FLT3: variants seen among roughly 807,000 people sequenced by gnomAD.
The protein encoded by FLT3 is receptor-type tyrosine-protein kinase FLT3.
In FLT3, 46 loss-of-function variants were observed where a neutral mutation model predicts 126.6. The observed-to-expected ratio is 0.36, with a 90% CI of 0.29 to 0.46. FLT3 has a LOEUF of 0.46. Ranked by LOEUF, FLT3 falls within the 20% of genes least tolerant of loss-of-function variation. FLT3 has a pLI of 1.00. For synonymous variants in FLT3, 404 were observed against 434.4 expected (o/e 0.93, Z 0.87); for missense variants, 1,069 against 1,190.3 (o/e 0.90, Z 1.50).
chr13:28,089,683 GT>G (rs1270366497), intron 1 of FLT3, among the ~76,000 whole-genome samples: 2 of 151,888 alleles, frequency 1.3e-5, no homozygotes, highest in Non-Finnish European at 2.9e-5. Context: ...GAGAGTACTG[GT>G]TGTGAGGGGC....
chr13:28,026,661 T>C (rs1872831401), intron 17 of FLT3, among the ~76,000 whole-genome samples: 1 of 152,226 alleles, frequency 6.6e-6, no homozygotes, highest in South Asian at 2.1e-4. Context: ...TCCATCCTAA[T>C]ATCTTAGAAT....
chr13:28,091,791 G>A (rs1879123372), intron 1 of FLT3, among the ~76,000 whole-genome samples: 1 of 152,028 alleles, frequency 6.6e-6, no homozygotes, highest in Non-Finnish European at 1.5e-5. Context: ...AAATAGGCCA[G>A]GCGTGGCCAG....
intron 1 of FLT3, among the ~76,000 whole-genome samples, chr13:28,073,952 A>AG (rs201153014): frequency 0.011 from 1,268 of 111,254 alleles, 9 homozygotes; most frequent in Non-Finnish European, 0.021. Context: ...AAAAAAAAAA[A>AG]AAAAGAAAAG....
At position 28,067,952 on chromosome 13, in the gene FLT3, A is replaced by G. The variant is rs182151808; in HGVS notation, c.165+2539T>C. 26 of 342,970 alleles carry G rather than the reference A, an allele frequency of 7.6e-5. No individual in the cohort carries two copies. The East Asian group carries it at 2.2e-3, about 30-fold the overall frequency. 21.2% of individuals were successfully genotyped at this position (342,970 alleles called of 1,614,324 possible). The stretch of plus-strand genomic sequence containing the variant: ...ATATGAGGTCATGATTGTCAAACAC[A>G]TTTGGTCAACTCCAGTAACTTCAGT... On this transcript the variant is annotated intron_variant, in intron 2 of 23. Transcript: ENST00000241453.
chr13:28,049,782 A>G lies in FLT3; in HGVS notation c.743-8T>C. On this transcript the variant is annotated splice_region_variant and splice_polypyrimidine_tract_variant and intron_variant, in intron 6 of 23. Transcript: ENST00000241453. The stretch of plus-strand genomic sequence containing the variant: ...GAGGAGTTTGATTTAGATCTAGGAG[A>G]TGAAAACATCCCAAGTGAGAAAAAA... 6.2e-7 allele frequency: 1 copy of G among 1,609,096 alleles called. No individual in the cohort carries two copies. The highest frequency in any genetic ancestry group is 1.1e-5 in the South Asian group (1 of 89,760).
At chr13:28,017,553 C>T (rs1241684577) in intron 20 of FLT3, among the ~76,000 whole-genome samples, 1 of 152,082 alleles carries the variant, frequency 6.6e-6, no homozygotes, top group Non-Finnish European at 1.5e-5. Context: ...TAAAAACACA[C>T]ATTTTCAACT....
chr13:28,015,450 G>T, intron 21 of FLT3, 140 bp downstream of exon 21: 1 of 523,614 alleles, frequency 1.9e-6, no homozygotes, highest in Non-Finnish European at 3.5e-6. Flanking sequence ...CAGGCTAAAG[G>T]ACACCAGCAA....
Position 28,084,791 on chromosome 13 carries a change from C to T in FLT3, c.44-14179G>A, listed in dbSNP as rs187281435. ...GAGATTGAGACCATCCTGGCTAACACGGTGAAACCCCGTCTATACTAAAAA... is the reference window on the plus strand; with the variant it reads ...GAGATTGAGACCATCCTGGCTAACATGGTGAAACCCCGTCTATACTAAAAA... On this transcript the variant is annotated intron_variant, in intron 1 of 23. Transcript: ENST00000241453. Among the ~76,000 whole-genome samples the T allele has an allele frequency of 2.8e-4, 42 of 151,842 alleles. No homozygotes were observed. In the East Asian group the frequency reaches 4.9e-3, roughly 18 times the overall value.
At chr13:28,061,731 A>C in intron 3 of FLT3, 136 bp downstream of exon 3, 1 of 649,630 alleles carries the variant, frequency 1.5e-6, no homozygotes, top group Non-Finnish European at 2.7e-6. Context: ...AGATTGTGCC[A>C]CTCTACTCCA....
intron 4 of FLT3, among the ~76,000 whole-genome samples, chr13:28,056,060 A>C (rs1432602097): frequency 6.6e-6 from 1 of 152,112 alleles, no homozygotes; most frequent in Non-Finnish European, 1.5e-5. Context: ...TTACAGGCTG[A>C]CTTTAGAACC....
chr13:28,022,031 C>A (rs1357580197), intron 19 of FLT3, among the ~76,000 whole-genome samples: 4 of 151,830 alleles, frequency 2.6e-5, no homozygotes, highest in African/African-American at 7.3e-5. Context: ...GCTACCACGC[C>A]CGGCTGCCTA....
At chr13:28,015,730 G>T in intron 20 of FLT3, 29 bp from the exon 21 acceptor site, 1 of 1,375,838 alleles carries the variant, frequency 7.3e-7, no homozygotes, top group Non-Finnish European at 1.0e-6. Flanking sequence ...AGATAAGATG[G>T]TGAATTTTCC....
At position 28,052,683 on chromosome 13, in the gene FLT3, T is replaced by A. The variant is rs745306920; in HGVS notation, c.485-9A>T. The A allele has an allele frequency of 5.8e-6, 9 of 1,564,446 alleles. No homozygotes were observed. The highest frequency in any genetic ancestry group is 5.3e-5 in the Admixed American group (3 of 56,992). ...TGTGTAAAGCAGGGTATCTAAAGCA[T>A]CATAAGTTATTAACATTTTACTATT... On this transcript the variant is annotated splice_polypyrimidine_tract_variant and intron_variant, in intron 4 of 23. Transcript: ENST00000241453.
chr13:28,050,702 CA>C (rs1256328320), intron 5 of FLT3, among the ~76,000 whole-genome samples: 1 of 152,108 alleles, frequency 6.6e-6, no homozygotes, highest in African/African-American at 2.4e-5. Context: ...GCCAAGGTGT[CA>C]CCCACAAGGG....
intron 2 of FLT3, among the ~76,000 whole-genome samples, chr13:28,069,937 G>A (rs1439988838): frequency 6.6e-6 from 1 of 151,944 alleles, no homozygotes; most frequent in East Asian, 1.9e-4. Context: ...AACAGAGTGG[G>A]ACCCCATCTT....
intron 12 of FLT3, 97 bp from the exon 13 acceptor site, chr13:28,034,504 G>A: frequency 1.1e-6 from 1 of 875,344 alleles, no homozygotes. Context: ...TCCTGTTTCA[G>A]TAATAATCAT....
intron 19 of FLT3, among the ~76,000 whole-genome samples, chr13:28,019,597 T>A (rs1439719267): frequency 6.6e-6 from 1 of 152,012 alleles, no homozygotes; most frequent in Non-Finnish European, 1.5e-5. Flanking sequence ...CATACCCAGT[T>A]TTTTCAGTGC....
At chr13:28,056,810 A>G (rs986194193) in intron 4 of FLT3, among the ~76,000 whole-genome samples, 2 of 152,208 alleles carry the variant, frequency 1.3e-5, no homozygotes, top group Non-Finnish European at 2.9e-5. Context: ...CACCTTAGCC[A>G]CCTTTCAAGT....
In FLT3 at chr13:28,003,351, G is replaced by A. The variant is rs905255731; in HGVS notation, c.*701C>T. ...GACTGGCCCTGAGTCTGGGAAGGCC[G>A]CCAAAGTGTCTAGGTGATGTATTAC... On this transcript the variant is annotated 3_prime_UTR_variant, in exon 24 of 24. Coordinates refer to ENST00000241453, the MANE Select transcript of FLT3 (RefSeq NM_004119.3). 12 of 233,070 alleles carry A rather than the reference G, an allele frequency of 5.1e-5. No individual in the cohort carries two copies. Among genetic ancestry groups the A allele is most frequent in the East Asian group, 1.2e-4 (2 of 16,576 alleles). The allele number at this position is 233,070 out of a possible 1,614,324, so 14.4% of individuals were successfully genotyped here. A position where few individuals can be genotyped will look rare whatever the true frequency, so the allele number is the denominator to read the frequency against.
Sources: allele counts gnomAD v4.1 joint callset (sites outside exome capture counted in the v4.1 genomes callset), GRCh38; gene constraint gnomAD v4.1.1; transcripts MANE v1.5; gene names NCBI Gene and HGNC (gene_info 2026-07-23, HGNC 2026-07-21).